Variants in FAM199X observed in about 807,000 individuals in gnomAD.
FAM199X encodes family with sequence similarity 199, X-linked, also known as protein FAM199X.
In FAM199X, 4 loss-of-function variants were observed where a neutral mutation model predicts 22.9. The ratio of observed to expected loss-of-function variants is 0.17; its 90% CI spans 0.09 to 0.40. The LOEUF is 0.40. Ranked by LOEUF, FAM199X falls within the 10% of genes least tolerant of loss-of-function variation. The pLI, the probability that FAM199X is intolerant of heterozygous loss-of-function variation, is 1.00. For missense variants in FAM199X, 183 were observed against 306.8 expected, an observed-to-expected ratio of 0.60 and a Z score of 3.01; for synonymous variants, 101 against 112.3, an observed-to-expected ratio of 0.90 and a Z score of 0.64.
intron 2 of FAM199X, among the ~76,000 whole-genome samples, chrX:104,180,926 A>G (rs1347148593): frequency 1.8e-5 from 2 of 112,460 alleles, no homozygotes; most frequent in Non-Finnish European, 3.8e-5. Context: ...TCACTACTTA[A>G]TAAGATGAGA....
chrX:104,183,974 A>G (rs1921730585), intron 2 of FAM199X, among the ~76,000 whole-genome samples: 2 of 111,580 alleles, frequency 1.8e-5, no homozygotes. Context: ...TTGTGGTTTC[A>G]TGTATTTCTT....
At chrX:104,181,121 C>T (rs1921641859) in intron 2 of FAM199X, among the ~76,000 whole-genome samples, 1 of 112,210 alleles carries the variant, frequency 8.9e-6, no homozygotes, top group Non-Finnish European at 1.9e-5. Context: ...CACTTGAAAC[C>T]TAGAGGTGCA....
At chrX:104,177,205 A>G (rs1266924806) in intron 2 of FAM199X, among the ~76,000 whole-genome samples, 3 of 111,751 alleles carry the variant, frequency 2.7e-5, no homozygotes, top group East Asian at 2.8e-4. Flanking sequence ...TTTCATATCA[A>G]TGGATGAATA....
rs1242167169 is a variant in FAM199X at position 104,194,706 on chromosome X, T to C, written c.*4928T>C. On this transcript the variant is annotated 3_prime_UTR_variant, in exon 6 of 6. Coordinates refer to ENST00000493442, the MANE Select transcript of FAM199X (RefSeq NM_207318.4). ...AGGCTATTAATGGTAAACAAGTATATGCAAAACAATTCACATATGGGTAAA... is the reference window on the plus strand; with the variant it reads ...AGGCTATTAATGGTAAACAAGTATACGCAAAACAATTCACATATGGGTAAA... 8.0e-5 allele frequency: 9 copies of C among 112,248 alleles called. No homozygotes were observed. Among genetic ancestry groups the C allele is most frequent in the Non-Finnish European group, 1.9e-5 (1 of 53,154 alleles). 9.3% of individuals were successfully genotyped at this position (112,248 alleles called of 1,213,427 possible).
At chrX:104,161,217 T>G in the FAM199X span, among the ~76,000 whole-genome samples, 1 of 111,989 alleles carries the variant, frequency 8.9e-6, no homozygotes, top group Non-Finnish European at 1.9e-5. Flanking sequence ...AACCAAAAAT[T>G]CATACTGATC....
At chrX:104,187,567 A>G (rs1921837213) in intron 4 of FAM199X, among the ~76,000 whole-genome samples, 1 of 111,934 alleles carries the variant, frequency 8.9e-6, no homozygotes, top group Non-Finnish European at 1.9e-5. Context: ...ATTCCAGCAA[A>G]TTTTTCATTA....
chrX:104,189,541 C>T, intron 5 of FAM199X, 67 bp from the exon 6 acceptor site: 1 of 1,071,375 alleles, frequency 9.3e-7, no homozygotes, highest in Non-Finnish European at 1.3e-6. Flanking sequence ...ATTTGATCCA[C>T]AAAACATTTT....
intron 2 of FAM199X, among the ~76,000 whole-genome samples, 163 bp from the exon 3 acceptor site, chrX:104,185,903 C>T (rs1281972337): frequency 8.9e-6 from 1 of 112,464 alleles, no homozygotes; most frequent in African/African-American, 3.2e-5. Context: ...CCACGCCGGG[C>T]TGCCATTAGT....
intron 1 of FAM199X, 138 bp downstream of exon 1, chrX:104,167,120 C>T (rs1214748048): frequency 2.6e-5 from 12 of 469,586 alleles, no homozygotes; most frequent in Admixed American, 1.7e-4. Context: ...CGGCCTCCTT[C>T]CCTGCCCCCC....
At chrX:104,175,591 C>T in intron 1 of FAM199X, 32 bp from the exon 2 acceptor site, 1 of 1,109,586 alleles carries the variant, frequency 9.0e-7, no homozygotes, top group African/African-American at 1.8e-5. Context: ...TTCTGTAGTT[C>T]TCTTGATTTC....
chrX:104,180,412 T>G (rs1921621423), intron 2 of FAM199X, among the ~76,000 whole-genome samples: 2 of 110,260 alleles, frequency 1.8e-5, no homozygotes, highest in Admixed American at 1.9e-4. Flanking sequence ...CTTCTGCTTA[T>G]TTTATGTGAT....
At chrX:104,163,283 C>T (rs1449718974), upstream of FAM199X, among the ~76,000 whole-genome samples, 1 of 112,264 alleles carries the variant, frequency 8.9e-6, no homozygotes, top group Non-Finnish European at 1.9e-5. Context: ...CTCCTGCAGC[C>T]ATCAGCTCTC....
At chrX:104,178,556 C>T (rs1234971571) in intron 2 of FAM199X, among the ~76,000 whole-genome samples, 2 of 111,612 alleles carry the variant, frequency 1.8e-5, no homozygotes, top group South Asian at 7.5e-4. Flanking sequence ...TCTGGGACTA[C>T]AGGCATGCAC....
At chrX:104,163,292 T>A (rs1556373025), upstream of FAM199X, among the ~76,000 whole-genome samples, 1 of 112,370 alleles carries the variant, frequency 8.9e-6, no homozygotes. Flanking sequence ...CCATCAGCTC[T>A]CTGGTAGGTA....
At chrX:104,183,076 C>T (rs1347710052) in intron 2 of FAM199X, among the ~76,000 whole-genome samples, 2 of 110,989 alleles carry the variant, frequency 1.8e-5, no homozygotes, top group Non-Finnish European at 3.8e-5. Flanking sequence ...CCCCAACAAA[C>T]GCATAAAGAG....
Position 104,193,164 on chromosome X carries a change from A to G in FAM199X, c.*3386A>G, listed in dbSNP as rs1921981724. On this transcript the variant is annotated 3_prime_UTR_variant, in exon 6 of 6. Transcript: ENST00000493442. ...CAAATGTTGTAATTTGTTTTGCATA[A>G]TGCCCATGGAATTGGATATCAGTAA... The G allele has an allele frequency of 9.0e-6, 1 of 111,715 alleles. No homozygotes were observed. Among genetic ancestry groups the G allele is most frequent in the East Asian group, 2.8e-4 (1 of 3,598 alleles). The allele number at this position is 111,715 out of a possible 1,213,427, so 9.2% of individuals were successfully genotyped here. A position where few individuals can be genotyped will look rare whatever the true frequency, so the allele number is the denominator to read the frequency against.
intron 2 of FAM199X, among the ~76,000 whole-genome samples, chrX:104,183,249 CTCTT>C (rs1470240251): frequency 1.8e-5 from 2 of 108,469 alleles, no homozygotes; most frequent in Non-Finnish European, 3.8e-5. Flanking sequence ...TAAGAAGTAT[CTCTT>C]TTTTTTTTTT....
upstream of FAM199X, among the ~76,000 whole-genome samples, chrX:104,165,180 C>T (rs1454830082): frequency 8.9e-6 from 1 of 112,553 alleles, no homozygotes; most frequent in Non-Finnish European, 1.9e-5. Flanking sequence ...TTGAAAGCCA[C>T]ATACACAATG....
intron 2 of FAM199X, among the ~76,000 whole-genome samples, 191 bp from the exon 3 acceptor site, chrX:104,185,875 G>T (rs1261434278): frequency 8.9e-6 from 1 of 112,080 alleles, no homozygotes; most frequent in Admixed American, 9.4e-5. Context: ...GAAGTGCTGG[G>T]ATTACAGGCA....
Sources: gnomAD v4.1 joint callset for allele counts (sites outside exome capture counted in the v4.1 genomes callset) on GRCh38, gnomAD v4.1.1 for gene constraint, MANE v1.5 for transcripts, NCBI Gene and HGNC (gene_info 2026-07-23, HGNC 2026-07-21) for gene names.